CEP63: variants seen among roughly 807,000 people sequenced by gnomAD.
CEP63 encodes the protein centrosomal protein of 63 kDa.
Under a neutral mutation model 89.1 loss-of-function variants are expected in CEP63, and 84 were observed. The ratio of observed to expected loss-of-function variants is 0.94; its 90% CI spans 0.79 to 1.13. The LOEUF is 1.13. CEP63 is among the 50% of genes most tolerant of loss of function. The probability of loss-of-function intolerance (pLI) is 0.00; values close to 1 mark genes in which losing one functional copy is unlikely to be tolerated. For missense variants in CEP63, 838 were observed against 813.3 expected (o/e 1.03, Z -0.37); for synonymous variants, 267 against 272.5 (o/e 0.98, Z 0.20).
At chr3:134,713,148 C>A in the CEP63 span, among the ~76,000 whole-genome samples, 1 of 152,180 alleles carries the variant, frequency 6.6e-6, no homozygotes, top group Non-Finnish European at 1.5e-5. Flanking sequence ...TTTCTCCTAC[C>A]CCAAGGTCCT....
At chr3:134,582,128 G>GA (rs57686233) in intron 10 of CEP63, among the ~76,000 whole-genome samples, 97,596 of 151,580 alleles carry the variant, frequency 0.64, 31,987 homozygotes, top group East Asian at 0.81. Flanking sequence ...TAGCCTCAGG[G>GA]AAAAAAACTG....
At chr3:134,485,838 T>G, upstream of CEP63, 1 of 313,116 alleles carries the variant, frequency 3.2e-6, no homozygotes, top group Non-Finnish European at 4.6e-6. Context: ...GAAAAACGGT[T>G]ATGAGCGTAA....
At position 134,507,233 on chromosome 3, in the gene CEP63, C is replaced by T. The variant is rs765915059; in HGVS notation, c.169C>T (p.Arg57Cys). 7 of 1,613,090 alleles carry T rather than the reference C, an allele frequency of 4.3e-6. No individual in the cohort carries two copies. The highest frequency in any genetic ancestry group is 1.7e-5 in the Admixed American group (1 of 59,994). ...THALETCLKI[R>C]EQELKSLRSQ... ...TGCTCTAGAAACTTGCTTGAAAATCCGTGAACAGGAACTTAAGAGTCTTAG... is the reference window on the plus strand; with the variant it reads ...TGCTCTAGAAACTTGCTTGAAAATCTGTGAACAGGAACTTAAGAGTCTTAG... Residue 57 changes from arginine (R) to cysteine (C), a missense_variant, in exon 3 of 15, where the codon CGT becomes TGT. Physicochemically the swap from Arg to Cys is radical, Grantham distance 180 (BLOSUM62 -3). Transcript: ENST00000675561.
the CEP63 span, among the ~76,000 whole-genome samples, chr3:134,716,095 G>A: frequency 1.3e-5 from 2 of 151,828 alleles, no homozygotes; most frequent in African/African-American, 2.4e-5. Flanking sequence ...CTCAATTTAT[G>A]TTCCTTTAAA....
chr3:134,507,797 TC>T (rs1216116191), intron 3 of CEP63, among the ~76,000 whole-genome samples: 3 of 152,192 alleles, frequency 2.0e-5, no homozygotes, highest in Non-Finnish European at 4.4e-5. Flanking sequence ...TTACTTGCAG[TC>T]CCACCACTCA....
In CEP63 at chr3:134,563,783, C is replaced by T. The variant is rs996923006; in HGVS notation, c.*2248C>T. Reference sequence around the variant, plus strand: ...TGAATTAGTATAGCCTACAGAGTGTCAATAATCTGGGCCTAATCACCCATT... The same window carrying T: ...TGAATTAGTATAGCCTACAGAGTGTTAATAATCTGGGCCTAATCACCCATT... On this transcript the variant is annotated 3_prime_UTR_variant, in exon 15 of 15. Coordinates refer to ENST00000675561, the MANE Select transcript of CEP63 (RefSeq NM_001353108.3). 3.9e-5 allele frequency: 6 copies of T among 152,224 alleles called. No individual in the cohort carries two copies. The highest frequency in any genetic ancestry group is 1.3e-4 in the Admixed American group (2 of 15,270). The allele number at this position is 152,224 out of a possible 1,614,324, so 9.4% of individuals were successfully genotyped here.
At chr3:134,500,514 A>G (rs1559875142) in intron 2 of CEP63, among the ~76,000 whole-genome samples, 1 of 152,312 alleles carries the variant, frequency 6.6e-6, no homozygotes, top group East Asian at 1.9e-4. Flanking sequence ...TATTTGAGAA[A>G]TCTCCAAACT....
the CEP63 span, among the ~76,000 whole-genome samples, chr3:134,682,984 T>C: frequency 6.6e-6 from 1 of 152,192 alleles, no homozygotes; most frequent in African/African-American, 2.4e-5. Context: ...GCAACCACAG[T>C]TCTGCTTTTA....
chr3:134,579,315 T>C (rs1958290435), downstream of CEP63, among the ~76,000 whole-genome samples: 1 of 87,640 alleles, frequency 1.1e-5, no homozygotes, highest in Non-Finnish European at 2.7e-5. Flanking sequence ...AATAATGTGC[T>C]TTCCCAGGAA....
the CEP63 span, among the ~76,000 whole-genome samples, chr3:134,771,588 G>A: frequency 6.6e-6 from 1 of 152,128 alleles, no homozygotes; most frequent in Non-Finnish European, 1.5e-5. Flanking sequence ...CATACTTTGA[G>A]AATGACCAGG....
chr3:134,678,123 C>T, the CEP63 span, among the ~76,000 whole-genome samples: 1 of 152,124 alleles, frequency 6.6e-6, no homozygotes, highest in Admixed American at 6.5e-5. Context: ...GATGCCCTCC[C>T]GCTGCCTCTG....
the CEP63 span, among the ~76,000 whole-genome samples, chr3:134,632,469 G>A: frequency 6.6e-6 from 1 of 151,960 alleles, no homozygotes; most frequent in Non-Finnish European, 1.5e-5. Context: ...ACTGGAAAAT[G>A]TCCAAGTATT....
At chr3:134,674,472 C>T in the CEP63 span, among the ~76,000 whole-genome samples, 5 of 152,312 alleles carry the variant, frequency 3.3e-5, no homozygotes, top group East Asian at 3.8e-4. Context: ...GAATATCACA[C>T]AGCCAACATA....
rs1204792777 is a variant in CEP63, at chr3:134,550,224, G to C, written c.1344G>C (p.Glu448Asp). 1 of 1,614,180 alleles carries C rather than the reference G, an allele frequency of 6.2e-7. No homozygotes were observed. ...SSDMEKRLRA[E>D]MQKAEDKAVE... ...ACATGGAAAAGCGACTCAGAGCAGAGATGCAAAAGGCAGAAGACAAAGCAG... is the reference window on the plus strand; with the variant it reads ...ACATGGAAAAGCGACTCAGAGCAGACATGCAAAAGGCAGAAGACAAAGCAG... The change falls in exon 11 of 15, where the codon GAG becomes GAC. Residue 448 changes from glutamate (E) to aspartate (D), a missense_variant. Transcript: ENST00000675561.
At chr3:134,576,898 G>C (rs1958226277), downstream of CEP63, among the ~76,000 whole-genome samples, 2 of 152,152 alleles carry the variant, frequency 1.3e-5, no homozygotes, top group Admixed American at 6.5e-5. Flanking sequence ...GGAAAAGCTG[G>C]CTGCTCAATT....
chr3:134,644,085 A>C, the CEP63 span, among the ~76,000 whole-genome samples: 1 of 152,110 alleles, frequency 6.6e-6, no homozygotes, highest in South Asian at 2.1e-4. Flanking sequence ...TCAGCCTCCC[A>C]AAGTGCTGGG....
At chr3:134,761,413 G>C in the CEP63 span, among the ~76,000 whole-genome samples, 1 of 152,236 alleles carries the variant, frequency 6.6e-6, no homozygotes, top group Non-Finnish European at 1.5e-5. Flanking sequence ...GGCATGCGTG[G>C]AGCCCCGGAC....
the CEP63 span, among the ~76,000 whole-genome samples, chr3:134,729,690 A>G: frequency 6.6e-6 from 1 of 152,266 alleles, no homozygotes; most frequent in Non-Finnish European, 1.5e-5. Flanking sequence ...TAAATGAGGC[A>G]TAGAAGTTTC....
chr3:134,598,484 T>C, the CEP63 span, among the ~76,000 whole-genome samples: 1 of 152,236 alleles, frequency 6.6e-6, no homozygotes, highest in South Asian at 2.1e-4. Flanking sequence ...AACAACCCTA[T>C]CGTCCTAGTG....
Sources: gnomAD v4.1 joint callset for allele counts (sites outside exome capture counted in the v4.1 genomes callset) on GRCh38, gnomAD v4.1.1 for gene constraint, MANE v1.5 for transcripts, NCBI Gene and HGNC (gene_info 2026-07-23, HGNC 2026-07-21) for gene names.